CPM: variants seen among roughly 807,000 people sequenced by gnomAD.
The protein encoded by CPM is renal carboxypeptidase.
Under a neutral mutation model 46.4 loss-of-function variants are expected in CPM, and 35 were observed. The observed-to-expected ratio is 0.75, with a 90% CI of 0.58 to 1.00. The LOEUF is 1.00. Among genes scored for constraint, CPM ranks in the 50% least tolerant of loss-of-function variants. The pLI is 0.00. For synonymous variants in CPM, 195 were observed against 195.3 expected (o/e 1.00, Z 0.01); for missense variants, 422 against 530.4 (o/e 0.80, Z 2.01).
Position 68,854,791 on chromosome 12 carries a change from G to T in CPM, c.*1646C>A, listed in dbSNP as rs1391496814. On this transcript the variant is annotated 3_prime_UTR_variant, in exon 9 of 9. Coordinates refer to ENST00000551568, the MANE Select transcript of CPM (RefSeq NM_198320.5). ...TGTTGCAGCAGTGCAGGTGAGATAT[G>T]AGGCCTCAACTCTGCAGTGTTGACA... 2.6e-5 allele frequency: 4 copies of T among 152,302 alleles called. No homozygotes were observed. In the East Asian group the frequency reaches 7.7e-4, roughly 29 times the overall value. 9.4% of individuals were successfully genotyped at this position (152,302 alleles called of 1,614,324 possible).
chr12:68,867,305 G>T (rs1381279380), intron 6 of CPM, among the ~76,000 whole-genome samples: 1 of 152,208 alleles, frequency 6.6e-6, no homozygotes, highest in Non-Finnish European at 1.5e-5. Flanking sequence ...ACGGGTGAAG[G>T]AAGGGTCCTT....
At chr12:68,862,618 C>A (rs1324267247) in intron 7 of CPM, among the ~76,000 whole-genome samples, 6 of 139,224 alleles carry the variant, frequency 4.3e-5, no homozygotes. Flanking sequence ...CAAACACAGA[C>A]CATGCTTATG....
rs767218710 is a variant in CPM, at chr12:68,915,835, T to C, written c.160+16843A>G. ...GAATCTATCACCTACCAAGATATCA[T>C]TTTGGGACATCAATTTCTTCATCTG... On this transcript the variant is annotated intron_variant, in intron 2 of 8. Coordinates refer to ENST00000551568, the MANE Select transcript of CPM (RefSeq NM_198320.5). Among the ~76,000 whole-genome samples, 55 of 152,226 alleles carry C rather than the reference T, an allele frequency of 3.6e-4. 1 individual carries two copies. The highest frequency in any genetic ancestry group is 7.6e-4 in the Non-Finnish European group (52 of 68,042).
chr12:68,857,848 C>T (rs1885043131), intron 8 of CPM, among the ~76,000 whole-genome samples: 1 of 152,060 alleles, frequency 6.6e-6, no homozygotes, highest in African/African-American at 2.4e-5. Flanking sequence ...AGATTCACTA[C>T]AGGGAAAATC....
chr12:68,955,534 T>C (rs1889001663), intron 1 of CPM, among the ~76,000 whole-genome samples: 1 of 152,044 alleles, frequency 6.6e-6, no homozygotes, highest in South Asian at 2.1e-4. Flanking sequence ...CCTGTTTAAT[T>C]TATACCTCTT....
intron 3 of CPM, among the ~76,000 whole-genome samples, chr12:68,872,549 G>T (rs573548489): frequency 1.3e-5 from 2 of 152,156 alleles, no homozygotes; most frequent in South Asian, 4.1e-4. Flanking sequence ...CACTGCGCCC[G>T]GCCGCAATAA....
intron 4 of CPM, 142 bp downstream of exon 4, chr12:68,871,642 G>A: frequency 1.1e-6 from 1 of 901,502 alleles, no homozygotes; most frequent in Non-Finnish European, 1.7e-6. Flanking sequence ...GATGTGCCTT[G>A]AGCTTTGGCA....
In CPM at chr12:68,859,121, TA is replaced by T. The variant is rs1239219638; in HGVS notation, c.941-51del. 8.9e-6 allele frequency: 9 copies of T among 1,009,768 alleles called. No homozygotes were observed. The Admixed American group carries it at 2.1e-4, about 23-fold the overall frequency. 62.6% of individuals were successfully genotyped at this position (1,009,768 alleles called of 1,614,324 possible). A position where few individuals can be genotyped will look rare whatever the true frequency, so the allele number is the denominator to read the frequency against. ...TATTAATACCATATTTTATGGCATATAAAAATTATTATAAATATTTAAGAAC... is the reference window on the plus strand; with the variant it reads ...TATTAATACCATATTTTATGGCATATAAAATTATTATAAATATTTAAGAAC... On this transcript the variant is annotated intron_variant, in intron 7 of 8. Transcript: ENST00000551568.
chr12:68,885,691 G>A (rs1886396066), intron 3 of CPM, 101 bp downstream of exon 3: 1 of 939,500 alleles, frequency 1.1e-6, no homozygotes, highest in South Asian at 1.6e-5. Context: ...ATGCATGCTG[G>A]AGACTTCTCC....
chr12:68,957,387 C>T, intron 1 of CPM: 1 of 250,010 alleles, frequency 4.0e-6, no homozygotes, highest in South Asian at 5.7e-5. Flanking sequence ...TAAGGGGGCA[C>T]CATACTGTTC....
At chr12:68,870,599 C>T (rs1885651395) in intron 4 of CPM, among the ~76,000 whole-genome samples, 200 bp from the exon 5 acceptor site, 1 of 152,222 alleles carries the variant, frequency 6.6e-6, no homozygotes, top group African/African-American at 2.4e-5. Flanking sequence ...GATCTGCTCT[C>T]ACCAATGAGA....
exon 6 of CPM, chr12:68,842,283 G>A: frequency 2.0e-6 from 1 of 496,686 alleles, no homozygotes; most frequent in East Asian, 4.7e-5. Context: ...CATCAAAGAA[G>A]TCAGGCAAAA....
chr12:68,859,046 C>G lies in CPM; in HGVS notation c.966G>C (p.Gln322His). The G allele has an allele frequency of 6.5e-7, 1 of 1,535,648 alleles. No homozygotes were observed. The highest frequency in any genetic ancestry group is 8.8e-7 in the Non-Finnish European group (1 of 1,142,548). Residue 322 changes from glutamine to histidine, a missense_variant, in exon 8 of 9, where the codon CAG (glutamine) becomes CAC (histidine). Coordinates refer to ENST00000551568, the MANE Select transcript of CPM (RefSeq NM_198320.5). ...HLGVKGQVFDQNGNPLPNVIV... is the reference protein window; with the variant it reads ...HLGVKGQVFDHNGNPLPNVIV... ...TTACATTGGGTAATGGATTTCCATT[C>G]TGATCAAAAACTTGACCCTTTACAC... is the stretch of plus-strand genomic sequence containing the variant.
chr12:68,843,800 G>A (rs1031031567), intron 5 of CPM: 2 of 221,250 alleles, frequency 9.0e-6, no homozygotes, highest in Non-Finnish European at 1.8e-5. Flanking sequence ...TAATACTTCA[G>A]CTACAACCAA....
Position 68,915,093 on chromosome 12 carries a change from C to T in CPM, c.160+17585G>A, listed in dbSNP as rs900199181. On this transcript the variant is annotated intron_variant, in intron 2 of 8. Transcript: ENST00000551568. ...TTTTTAGATAGCTTCCCAAGGACAGCGAACAGAATGTCCTATGGAAACATA... is the reference window on the plus strand; with the variant it reads ...TTTTTAGATAGCTTCCCAAGGACAGTGAACAGAATGTCCTATGGAAACATA... Among the ~76,000 whole-genome samples, 8 of 151,908 alleles carry T rather than the reference C, an allele frequency of 5.3e-5. No homozygotes were observed. In the South Asian group the frequency reaches 6.2e-4, roughly 12 times the overall value.
chr12:68,846,991 T>C (rs1404816189), downstream of CPM: 1 of 151,446 alleles, frequency 6.6e-6, no homozygotes, highest in Non-Finnish European at 1.5e-5. Flanking sequence ...AAGTTTTTTA[T>C]TTGTTTTTTG....
intron 1 of CPM, among the ~76,000 whole-genome samples, chr12:68,939,092 G>A (rs1231328669): frequency 6.9e-6 from 1 of 145,098 alleles, no homozygotes; most frequent in Non-Finnish European, 1.5e-5. Flanking sequence ...ATACACATAT[G>A]TATCTATATA....
intron 2 of CPM, among the ~76,000 whole-genome samples, chr12:68,902,685 A>T (rs2136280123): frequency 6.6e-6 from 1 of 152,308 alleles, no homozygotes; most frequent in East Asian, 1.9e-4. Flanking sequence ...CTCAACAGAA[A>T]CACCATGAGA....
Position 68,905,391 on chromosome 12 carries a change from C to T in CPM, c.161-19502G>A, listed in dbSNP as rs7968514. On this transcript the variant is annotated intron_variant, in intron 2 of 8. Transcript: ENST00000551568. Reference sequence around the variant, plus strand: ...CACCTCCTGGGCTCAAAGAATCCTCCCACATCAGCCTCCTGAGTAGCTGGG... The same window carrying T: ...CACCTCCTGGGCTCAAAGAATCCTCTCACATCAGCCTCCTGAGTAGCTGGG... Among the ~76,000 whole-genome samples the T allele has an allele frequency of 2.5e-3, 384 of 151,930 alleles. 2 individuals are homozygous for T. Among genetic ancestry groups the T allele is most frequent in the African/African-American group, 8.9e-3 (370 of 41,414 alleles).
Sources: gnomAD v4.1 joint callset for allele counts (sites outside exome capture counted in the v4.1 genomes callset) on GRCh38, gnomAD v4.1.1 for gene constraint, MANE v1.5 for transcripts, NCBI Gene and HGNC (gene_info 2026-07-23, HGNC 2026-07-21) for gene names.